Variants in RPS25 observed in about 807,000 individuals in gnomAD.
RPS25 encodes ribosomal protein S25.
A neutral mutation model predicts 14.4 loss-of-function variants in RPS25; 1 was observed. The ratio of observed to expected loss-of-function variants is 0.07; its 90% CI spans 0.02 to 0.33. RPS25 has a LOEUF of 0.33. Among genes scored for constraint, RPS25 ranks in the 10% least tolerant of loss-of-function variants. The pLI is 1.00. For synonymous variants in RPS25, 63 were observed against 53.8 expected, an observed-to-expected ratio of 1.17 and a Z score of -0.75; for missense variants, 65 against 144.6, an observed-to-expected ratio of 0.45 and a Z score of 2.82.
intron 2 of RPS25, 29 bp downstream of exon 2, chr11:119,017,929 A>C (rs782368563): frequency 6.5e-6 from 10 of 1,549,012 alleles, no homozygotes; most frequent in South Asian, 1.1e-5. Flanking sequence ...AGTTACCCCT[A>C]GTCTCTTTCA....
intron 2 of RPS25, 118 bp from the exon 3 acceptor site, chr11:119,017,663 T>C (rs1239412487): frequency 1.0e-6 from 1 of 979,336 alleles, no homozygotes; most frequent in Non-Finnish European, 1.5e-6. Context: ...AATTACACAT[T>C]ACTAAAACAA....
At position 119,016,974 on chromosome 11, in the gene RPS25, C is replaced by T. The variant is rs141055074; in HGVS notation, c.283+388G>A. On this transcript the variant is annotated intron_variant, in intron 3 of 4. Transcript: ENST00000527673. The stretch of plus-strand genomic sequence containing the variant: ...AATCAGACCATACTACTGAGTAGAC[C>T]GTACTAAATTTCTGGTTTTAAAATT... Among the ~76,000 whole-genome samples the T allele has an allele frequency of 1.5e-3, 231 of 152,092 alleles. 2 individuals carry two copies. The highest frequency in any genetic ancestry group is 5.3e-3 in the African/African-American group (218 of 41,416).
At chr11:119,017,917 A>G (rs369805312) in intron 2 of RPS25, 41 bp downstream of exon 2, 5 of 1,490,034 alleles carry the variant, frequency 3.4e-6, no homozygotes, top group Admixed American at 3.4e-5. Context: ...GGATTACGAG[A>G]GAGTTACCCC....
chr11:119,016,620 C>A (rs116194479), intron 3 of RPS25, among the ~76,000 whole-genome samples: 3 of 149,206 alleles, frequency 2.0e-5, no homozygotes, highest in Non-Finnish European at 4.4e-5. Context: ...TAAATTAGGG[C>A]TCCATTATCT....
At position 119,015,951 on chromosome 11, in the gene RPS25, G is replaced by C. The variant is rs782367240; in HGVS notation, c.284-12C>G. ...CAGTTTGATAAGTCCTAGGGGGAGAGAATAGCACGATGAGATGCTTAACAG... is the reference window on the plus strand; with the variant it reads ...CAGTTTGATAAGTCCTAGGGGGAGACAATAGCACGATGAGATGCTTAACAG... On this transcript the variant is annotated splice_polypyrimidine_tract_variant and intron_variant, in intron 3 of 4. Coordinates refer to ENST00000527673, the MANE Select transcript of RPS25 (RefSeq NM_001028.3). The C allele has an allele frequency of 6.7e-7, 1 of 1,494,698 alleles. No individual in the cohort carries two copies. 92.6% of individuals were successfully genotyped at this position (1,494,698 alleles called of 1,614,324 possible).
chr11:119,016,424 C>CA (rs781881477), intron 3 of RPS25, among the ~76,000 whole-genome samples: 6 of 152,008 alleles, frequency 3.9e-5, no homozygotes, highest in Admixed American at 2.0e-4. Flanking sequence ...AACAAAAAGA[C>CA]AGAGTTCTCT....
chr11:119,017,827 G>A (rs1482851207), intron 2 of RPS25, 131 bp downstream of exon 2: 6 of 768,486 alleles, frequency 7.8e-6, no homozygotes, highest in East Asian at 7.4e-5. Context: ...GAGTGGTGAC[G>A]GGAAGATAAA....
chr11:119,017,927 CT>C, intron 2 of RPS25, 30 bp downstream of exon 2: 1 of 1,549,792 alleles, frequency 6.5e-7, no homozygotes, highest in Non-Finnish European at 8.9e-7. Context: ...AGAGTTACCC[CT>C]AGTCTCTTTC....
In RPS25 at chr11:119,018,320, C is replaced by T. The variant is rs1163014614; in HGVS notation, c.-36G>A. ...GGAGAATAGCAGCAGACACCGCAGC[C>T]TCGTCAAGATGTCGGACAAAAAGGA... On this transcript the variant is annotated 5_prime_UTR_variant, in exon 1 of 5. Transcript: ENST00000527673. 1.2e-6 allele frequency: 2 copies of T among 1,614,116 alleles called. No homozygotes were observed. Among genetic ancestry groups the T allele is most frequent in the Non-Finnish European group, 1.7e-6 (2 of 1,180,008 alleles).
Position 119,017,684 on chromosome 11 carries a change from A to C in RPS25, c.100-139T>G, listed in dbSNP as rs542878653. 1.3e-3 allele frequency: 1,144 copies of C among 868,636 alleles called. 6 individuals are homozygous for C. Among genetic ancestry groups the C allele is most frequent in the Middle Eastern group, 3.0e-3 (13 of 4,310 alleles). 53.8% of individuals were successfully genotyped at this position (868,636 alleles called of 1,614,324 possible). A position where few individuals can be genotyped will look rare whatever the true frequency, so the allele number is the denominator to read the frequency against. ...ACATTACTAAAACAAAAACAAAAAA[A>C]AAACACCGACACGTTTTTGGCCTTC... On this transcript the variant is annotated intron_variant, in intron 2 of 4. Transcript: ENST00000527673.
chr11:119,017,062 GTAA>G (rs1943179836), intron 3 of RPS25, among the ~76,000 whole-genome samples: 1 of 152,184 alleles, frequency 6.6e-6, no homozygotes, highest in Admixed American at 6.5e-5. Context: ...TTTCAAAATA[GTAA>G]TCTAATTATT....
chr11:119,016,382 G>C (rs1473763983), intron 3 of RPS25, among the ~76,000 whole-genome samples: 1 of 152,044 alleles, frequency 6.6e-6, no homozygotes, highest in African/African-American at 2.4e-5. Flanking sequence ...GGGCAACATG[G>C]CAAAACCGCA....
At chr11:119,017,684 AAAAC>A in intron 2 of RPS25, 139 bp from the exon 3 acceptor site, 1 of 868,636 alleles carries the variant, frequency 1.2e-6, no homozygotes, top group Non-Finnish European at 1.8e-6. Context: ...AAACAAAAAA[AAAAC>A]ACCGACACGT....
chr11:119,017,626 A>G (rs1378965125), intron 2 of RPS25, 81 bp from the exon 3 acceptor site: 5 of 1,221,912 alleles, frequency 4.1e-6, no homozygotes, highest in Non-Finnish European at 5.9e-6. Context: ...TGCGTCAGAG[A>G]AATCTGTTCC....
chr11:119,017,319 CA>C, intron 3 of RPS25, 42 bp downstream of exon 3: 10 of 1,432,666 alleles, frequency 7.0e-6, no homozygotes, highest in Non-Finnish European at 9.5e-6. Context: ...ATGGTCAAGA[CA>C]ATTTAACCTA....
chr11:119,017,128 A>G (rs1454561423), intron 3 of RPS25, among the ~76,000 whole-genome samples: 1 of 152,234 alleles, frequency 6.6e-6, no homozygotes, highest in Non-Finnish European at 1.5e-5. Context: ...GAAACATAAA[A>G]GATCCTTGGG....
At position 119,018,319 on chromosome 11, in the gene RPS25, C is replaced by T; in HGVS notation, c.-35G>A. The T allele has an allele frequency of 6.2e-7, 1 of 1,614,098 alleles. No homozygotes were observed. Among genetic ancestry groups the T allele is most frequent in the Non-Finnish European group, 8.5e-7 (1 of 1,180,008 alleles). ...CGGAGAATAGCAGCAGACACCGCAG[C>T]CTCGTCAAGATGTCGGACAAAAAGG... On this transcript the variant is annotated 5_prime_UTR_variant, in exon 1 of 5. Coordinates refer to ENST00000527673, the MANE Select transcript of RPS25 (RefSeq NM_001028.3).
In RPS25 at chr11:119,017,383, G is replaced by C; in HGVS notation, c.262C>G (p.Leu88Val). 1 of 1,613,794 alleles carries C rather than the reference G, an allele frequency of 6.2e-7. No homozygotes were observed. Among genetic ancestry groups the C allele is most frequent in the East Asian group, 2.2e-5 (1 of 44,888 alleles). The stretch of plus-strand genomic sequence containing the variant: ...TCACCTTTACTAAGGAGCTCCTGAA[G>C]GGCTGCCCTGGCCAGGGAGCCTCGA... ...KIRGSLARAALQELLSKGLIK... is the reference protein window; with the variant it reads ...KIRGSLARAAVQELLSKGLIK... Residue 88 changes from leucine to valine, a missense_variant, in exon 3 of 5, where the codon CTT becomes GTT. Leu to Val is a conservative substitution (Grantham distance 32). Transcript: ENST00000527673.
intron 1 of RPS25, 47 bp downstream of exon 1, chr11:119,018,235 G>A (rs1346679170): frequency 6.2e-7 from 1 of 1,613,808 alleles, no homozygotes; most frequent in Non-Finnish European, 8.5e-7. Flanking sequence ...TCCCCACTGA[G>A]TCCTCAAACC....
Sources: gnomAD v4.1 joint callset for allele counts (sites outside exome capture counted in the v4.1 genomes callset) on GRCh38, gnomAD v4.1.1 for gene constraint, MANE v1.5 for transcripts, NCBI Gene and HGNC (gene_info 2026-07-23, HGNC 2026-07-21) for gene names.